The following ATG10 variants were observed in gnomAD, a reference collection of about 807,000 sequenced individuals.
The protein encoded by ATG10 is ubiquitin-like-conjugating enzyme ATG10.
A neutral mutation model predicts 32.1 loss-of-function variants in ATG10; 30 were observed. The observed-to-expected ratio is 0.94, with a 90% CI of 0.70 to 1.27. The LOEUF (loss-of-function observed/expected upper bound fraction) is 1.27, where lower values mean the gene tolerates loss of function less well. Ranked by LOEUF, ATG10 falls within the 50% of genes most tolerant of loss-of-function variation. The pLI is 0.00. For synonymous variants in ATG10, 87 were observed against 91.5 expected, an observed-to-expected ratio of 0.95 and a Z score of 0.28; for missense variants, 233 against 262.3, an observed-to-expected ratio of 0.89 and a Z score of 0.77.
chr5:82,017,038 G>A (rs138404983), intron 2 of ATG10, among the ~76,000 whole-genome samples: 102 of 152,224 alleles, frequency 6.7e-4, no homozygotes, highest in Middle Eastern at 6.8e-3. Flanking sequence ...CTCCAAGAGC[G>A]TGGGATGTGT....
chr5:82,167,910 G>A (rs1205654783), intron 4 of ATG10, among the ~76,000 whole-genome samples: 2 of 152,148 alleles, frequency 1.3e-5, no homozygotes, highest in Admixed American at 6.5e-5. Flanking sequence ...GTAGGTTTGG[G>A]AGAGGTGGTG....
chr5:82,178,867 T>C (rs141322864), intron 5 of ATG10, among the ~76,000 whole-genome samples: 1 of 152,296 alleles, frequency 6.6e-6, no homozygotes, highest in East Asian at 1.9e-4. Context: ...AATTGATGTC[T>C]GTCTTCTCCA....
At chr5:82,042,423 A>G (rs1473388522) in intron 2 of ATG10, among the ~76,000 whole-genome samples, 1 of 152,086 alleles carries the variant, frequency 6.6e-6, no homozygotes, top group Non-Finnish European at 1.5e-5. Flanking sequence ...CGGGGATACA[A>G]ATCTAAACCG....
chr5:82,050,238 A>G (rs1182707676), intron 2 of ATG10, among the ~76,000 whole-genome samples: 1 of 152,068 alleles, frequency 6.6e-6, no homozygotes, highest in African/African-American at 2.4e-5. Flanking sequence ...AATTTGCTTA[A>G]TGGAACCCCT....
intron 3 of ATG10, among the ~76,000 whole-genome samples, chr5:82,142,774 G>C (rs1384108786): frequency 6.6e-6 from 1 of 152,162 alleles, no homozygotes; most frequent in Non-Finnish European, 1.5e-5. Flanking sequence ...GAGTGGCAAA[G>C]ATTATGGAAA....
chr5:82,110,342 A>G (rs1284097465), intron 3 of ATG10, among the ~76,000 whole-genome samples: 1 of 152,080 alleles, frequency 6.6e-6, no homozygotes, highest in Non-Finnish European at 1.5e-5. Context: ...GTCAAATGGT[A>G]TTTCTAGTTC....
At chr5:82,125,028 C>A (rs1201383431) in intron 3 of ATG10, among the ~76,000 whole-genome samples, 1 of 152,190 alleles carries the variant, frequency 6.6e-6, no homozygotes, top group East Asian at 1.9e-4. Flanking sequence ...ATTTGCATTT[C>A]TCTAAAGACC....
At chr5:81,976,002 TA>T (rs1447661718) in intron 1 of ATG10, among the ~76,000 whole-genome samples, 1 of 149,256 alleles carries the variant, frequency 6.7e-6, no homozygotes, top group Non-Finnish European at 1.5e-5. Flanking sequence ...TTATTTATTT[TA>T]TCTTTTTTTT....
intron 5 of ATG10, among the ~76,000 whole-genome samples, chr5:82,204,755 A>ATGAT (rs986570167): frequency 2.0e-5 from 3 of 152,190 alleles, no homozygotes; most frequent in African/African-American, 7.2e-5. Flanking sequence ...TGGCTTATGG[A>ATGAT]TGATGCAATT....
chr5:82,231,211 T>TACTGA (rs1176433377), intron 5 of ATG10, among the ~76,000 whole-genome samples: 10 of 152,138 alleles, frequency 6.6e-5, no homozygotes, highest in Non-Finnish European at 1.5e-5. Context: ...GTCTAGAAAA[T>TACTGA]ACTGAACTAG....
At chr5:82,128,449 T>C (rs1766373206) in intron 3 of ATG10, among the ~76,000 whole-genome samples, 1 of 152,036 alleles carries the variant, frequency 6.6e-6, no homozygotes, top group African/African-American at 2.4e-5. Flanking sequence ...CCATATTTAG[T>C]GCTTACTTCA....
At chr5:82,169,022 G>A (rs542867539) in intron 4 of ATG10, among the ~76,000 whole-genome samples, 2 of 152,248 alleles carry the variant, frequency 1.3e-5, no homozygotes, top group South Asian at 4.1e-4. Context: ...AGAAGGGGAG[G>A]AGAGTGAGTG....
chr5:82,175,873 T>TCACA (rs753141522), intron 4 of ATG10, among the ~76,000 whole-genome samples: 1 of 151,488 alleles, frequency 6.6e-6, no homozygotes, highest in African/African-American at 2.4e-5. Flanking sequence ...TTGTTTATTT[T>TCACA]CACACACACA....
chr5:82,253,723 G>A (rs1256609615), intron 7 of ATG10, among the ~76,000 whole-genome samples: 1 of 152,178 alleles, frequency 6.6e-6, no homozygotes, highest in Non-Finnish European at 1.5e-5. Context: ...CTGCAGCATT[G>A]GATCTGCATA....
intron 5 of ATG10, among the ~76,000 whole-genome samples, chr5:82,200,673 T>C (rs1012318148): frequency 6.6e-6 from 1 of 150,998 alleles, no homozygotes; most frequent in Non-Finnish European, 1.5e-5. Context: ...GGATTTTTTT[T>C]AAATTAGATT....
intron 2 of ATG10, among the ~76,000 whole-genome samples, chr5:82,025,775 G>C (rs955043165): frequency 8.5e-5 from 13 of 152,168 alleles, no homozygotes; most frequent in African/African-American, 2.9e-4. Context: ...TGTAGCACCT[G>C]TGCCCTGAAA....
intron 3 of ATG10, among the ~76,000 whole-genome samples, chr5:82,127,138 C>T (rs1360453640): frequency 2.0e-5 from 3 of 152,108 alleles, no homozygotes; most frequent in Admixed American, 6.6e-5. Context: ...TCCTCTTTAT[C>T]ATTTTTTATT....
chr5:81,979,025 G>T (rs527400495), intron 1 of ATG10, among the ~76,000 whole-genome samples: 6 of 151,974 alleles, frequency 3.9e-5, no homozygotes, highest in Admixed American at 3.9e-4. Flanking sequence ...TCAGCCTCTG[G>T]AGTAGCTGGG....
At chr5:82,024,077 G>C (rs1762526069) in intron 2 of ATG10, among the ~76,000 whole-genome samples, 1 of 152,008 alleles carries the variant, frequency 6.6e-6, no homozygotes, top group Non-Finnish European at 1.5e-5. Context: ...CAAAGTAAAA[G>C]ACATATATGA....
Sources: allele counts gnomAD v4.1 joint callset (sites outside exome capture counted in the v4.1 genomes callset), GRCh38; gene constraint gnomAD v4.1.1; transcripts MANE v1.5; gene names NCBI Gene and HGNC (gene_info 2026-07-23, HGNC 2026-07-21).